Variants in FOCAD observed in about 807,000 individuals in gnomAD.
FOCAD encodes the protein KIAA1797.
FOCAD carries 198 observed loss-of-function variants against 225.6 expected under a neutral mutation model. The ratio of observed to expected loss-of-function variants is 0.88; its 90% CI spans 0.78 to 0.99. The LOEUF is 0.99. FOCAD is among the 50% of genes least tolerant of loss of function. FOCAD has a pLI of 0.00. For missense variants in FOCAD, 2,713 were observed against 2,123.6 expected, an observed-to-expected ratio of 1.28 and a Z score of -5.46; for synonymous variants, 897 against 755.0, an observed-to-expected ratio of 1.19 and a Z score of -3.08.
chr9:20,975,394 A>T (rs1279688682), intron 35 of FOCAD, among the ~76,000 whole-genome samples: 1 of 152,220 alleles, frequency 6.6e-6, no homozygotes, highest in Non-Finnish European at 1.5e-5. Flanking sequence ...ACTAGCTGTT[A>T]CACAGCCCTT....
intron 8 of FOCAD, among the ~76,000 whole-genome samples, chr9:20,776,363 AGTAGCT>A (rs1818753818): frequency 6.6e-6 from 1 of 152,252 alleles, no homozygotes; most frequent in South Asian, 2.1e-4. Context: ...TTACCACAGC[AGTAGCT>A]GTAGCATTTG....
At chr9:20,860,996 A>T (rs1480296310) in intron 15 of FOCAD, among the ~76,000 whole-genome samples, 1 of 151,574 alleles carries the variant, frequency 6.6e-6, no homozygotes, top group Admixed American at 6.6e-5. Flanking sequence ...TTTTTGTTTG[A>T]CTTTTGCTTT....
chr9:20,799,555 G>A (rs1206136389), intron 11 of FOCAD, among the ~76,000 whole-genome samples: 1 of 152,050 alleles, frequency 6.6e-6, no homozygotes, highest in Non-Finnish European at 1.5e-5. Context: ...TATATATTTA[G>A]GATAGTCAGC....
At position 20,986,371 on chromosome 9, in the gene FOCAD, G is replaced by C. The variant is rs776457730; in HGVS notation, c.4812G>C (p.Leu1604=). The change falls in exon 40 of 44, where the codon CTG becomes CTC. Residue 1604 remains leucine (L), a synonymous_variant. Transcript: ENST00000338382. ...CCTTGGTGAACCTGACCGATATGCT[G>C]AGCGTTGCTGTGCAGCACCGTGAGA... The part of the protein sequence containing the change: ...RFPLVNLTDM[L]SVAVQHREKE... 42 of 1,606,498 alleles carry C rather than the reference G, an allele frequency of 2.6e-5. No homozygotes were observed. In the Middle Eastern group the frequency reaches 1.6e-3, roughly 63 times the overall value.
At chr9:20,922,713 A>G (rs1834560594) in intron 24 of FOCAD, among the ~76,000 whole-genome samples, 1 of 152,238 alleles carries the variant, frequency 6.6e-6, no homozygotes, top group Admixed American at 6.5e-5. Context: ...TGAAGTCCAA[A>G]TTTTGGGGAA....
Position 20,944,693 on chromosome 9 carries a change from C to T in FOCAD, c.3474C>T (p.Ser1158=). ...TGAGCCACAGCAGCCAAATGCAGTC[C>T]CGCGTTCACGTAGCAGCATTGCTCC... The part of the protein sequence containing the change: ...SLMSHSSQMQ[S]RVHVAALLRK... Residue 1158 remains serine, a synonymous_variant, in exon 29 of 44, where the codon TCC becomes TCT. Transcript: ENST00000338382. 1 of 1,614,088 alleles carries T rather than the reference C, an allele frequency of 6.2e-7. No homozygotes were observed. The highest frequency in any genetic ancestry group is 1.7e-5 in the Admixed American group (1 of 60,018).
chr9:20,915,826 T>A (rs1157718999), intron 23 of FOCAD, among the ~76,000 whole-genome samples: 1 of 152,110 alleles, frequency 6.6e-6, no homozygotes, highest in African/African-American at 2.4e-5. Flanking sequence ...AGTGCACAAG[T>A]GGAAGGTTTG....
At chr9:20,881,832 T>C (rs772587869) in intron 19 of FOCAD, 39 bp from the exon 20 acceptor site, 1 of 1,586,288 alleles carries the variant, frequency 6.3e-7, no homozygotes, top group Non-Finnish European at 8.6e-7. Context: ...TAGCTTATTG[T>C]ATTTACTCTA....
At chr9:20,948,628 GT>G (rs1837408136) in intron 31 of FOCAD, among the ~76,000 whole-genome samples, 2 of 152,142 alleles carry the variant, frequency 1.3e-5, no homozygotes, top group Admixed American at 1.3e-4. Flanking sequence ...ACAACATTTT[GT>G]TTTTTGAAAA....
intron 21 of FOCAD, among the ~76,000 whole-genome samples, chr9:20,894,964 G>A (rs1332611557): frequency 2.6e-5 from 4 of 151,942 alleles, no homozygotes; most frequent in East Asian, 3.9e-4. Flanking sequence ...TGTGTTTTAC[G>A]TTGATATCTA....
upstream of FOCAD, among the ~76,000 whole-genome samples, chr9:20,656,214 GA>G (rs1821472735): frequency 1.3e-5 from 2 of 150,278 alleles, no homozygotes; most frequent in African/African-American, 4.9e-5. Flanking sequence ...GTCAATTTTG[GA>G]ATAGGTGTGG....
rs773789800 is a variant in FOCAD at position 20,923,768 on chromosome 9, G to A, written c.2961G>A (p.Glu987=). ...CCTCAGACTCTGACGGGCTCCTGGA[G>A]GTTAGTTGGGGTGATTTAAACAATT... ...SLSSDSDGLL[E]VQPNFLSMKE... Residue 987 remains glutamate (E), a splice_region_variant and synonymous_variant, in exon 25 of 44, where the codon GAG becomes GAA. Coordinates refer to ENST00000338382, the MANE Select transcript of FOCAD (RefSeq NM_001375567.1). 7.2e-5 allele frequency: 116 copies of A among 1,608,648 alleles called. No individual in the cohort carries two copies. Among genetic ancestry groups the A allele is most frequent in the Non-Finnish European group, 9.6e-5 (113 of 1,175,576 alleles).
intron 11 of FOCAD, among the ~76,000 whole-genome samples, chr9:20,815,785 A>G (rs1430604632): frequency 6.6e-6 from 1 of 152,128 alleles, no homozygotes; most frequent in African/African-American, 2.4e-5. Context: ...CATTCATTGT[A>G]TTTTCAGCCT....
intron 8 of FOCAD, among the ~76,000 whole-genome samples, chr9:20,775,330 G>C (rs1252631252): frequency 1.3e-5 from 2 of 152,180 alleles, no homozygotes; most frequent in African/African-American, 4.8e-5. Flanking sequence ...GAGGAGATTG[G>C]GTAGCTCTCG....
intron 5 of FOCAD, 109 bp from the exon 6 acceptor site, chr9:20,757,980 TG>T (rs1829211169): frequency 7.5e-6 from 4 of 534,450 alleles, no homozygotes; most frequent in African/African-American, 2.0e-5. Flanking sequence ...TTATGAATCG[TG>T]AAAAAAGTCT....
At chr9:20,959,447 AG>A (rs1312331782) in intron 35 of FOCAD, among the ~76,000 whole-genome samples, 1 of 152,184 alleles carries the variant, frequency 6.6e-6, no homozygotes, top group African/African-American at 2.4e-5. Flanking sequence ...GTCCCTTGTC[AG>A]ATGAATAATA....
At chr9:20,944,305 G>A (rs1170603945) in intron 28 of FOCAD, among the ~76,000 whole-genome samples, 1 of 152,152 alleles carries the variant, frequency 6.6e-6, no homozygotes, top group Non-Finnish European at 1.5e-5. Flanking sequence ...TTCTGTAAGG[G>A]CACAAATAAA....
intron 35 of FOCAD, among the ~76,000 whole-genome samples, chr9:20,972,823 C>T (rs1203982048): frequency 2.0e-5 from 3 of 152,140 alleles, no homozygotes; most frequent in African/African-American, 7.2e-5. Flanking sequence ...GCTGATTTTA[C>T]CTCCGCTTCT....
At chr9:20,738,746 A>G (rs986701317) in intron 4 of FOCAD, among the ~76,000 whole-genome samples, 1 of 152,208 alleles carries the variant, frequency 6.6e-6, no homozygotes, top group Non-Finnish European at 1.5e-5. Context: ...GCTGTGAAAT[A>G]GAAATATAAT....
Sources: allele counts gnomAD v4.1 joint callset (sites outside exome capture counted in the v4.1 genomes callset), GRCh38; gene constraint gnomAD v4.1.1; transcripts MANE v1.5; gene names NCBI Gene and HGNC (gene_info 2026-07-23, HGNC 2026-07-21).